Variants in RUSC2 observed in about 807,000 individuals in gnomAD.
RUSC2 encodes the protein AP-4 complex accessory subunit RUSC2.
A neutral mutation model predicts 122.2 loss-of-function variants in RUSC2; 34 were observed. The observed-to-expected ratio is 0.28, with a 90% CI of 0.21 to 0.37. RUSC2 has a LOEUF of 0.37. RUSC2 is among the 10% of genes least tolerant of loss of function. The probability of loss-of-function intolerance (pLI) is 1.00; values close to 1 mark genes in which losing one functional copy is unlikely to be tolerated. For missense variants in RUSC2, 1,747 were observed against 1,952.4 expected, an observed-to-expected ratio of 0.89 and a Z score of 1.98; for synonymous variants, 784 against 790.0, an observed-to-expected ratio of 0.99 and a Z score of 0.13.
intron 1 of RUSC2, among the ~76,000 whole-genome samples, chr9:35,536,585 G>C (rs974038188): frequency 8.5e-5 from 13 of 152,126 alleles, no homozygotes; most frequent in Non-Finnish European, 1.5e-4. Flanking sequence ...GGCTGAGGCG[G>C]GTGGATCACC....
intron 1 of RUSC2, among the ~76,000 whole-genome samples, chr9:35,495,465 A>T (rs868379225): frequency 1.3e-5 from 2 of 151,208 alleles, no homozygotes; most frequent in Admixed American, 6.6e-5. Context: ...CCTTGTCAAA[A>T]CTCATCTGAC....
chr9:35,550,135 C>T (rs1490457032), intron 2 of RUSC2, among the ~76,000 whole-genome samples: 1 of 151,026 alleles, frequency 6.6e-6, no homozygotes, highest in Non-Finnish European at 1.5e-5. Context: ...TCACTTGAAT[C>T]TGGGATGGAG....
intron 1 of RUSC2, among the ~76,000 whole-genome samples, chr9:35,515,425 C>T (rs1360254321): frequency 6.6e-6 from 1 of 151,310 alleles, no homozygotes; most frequent in African/African-American, 2.4e-5. Flanking sequence ...TTTTCAAGCC[C>T]ACAGCTAACA....
chr9:35,496,755 C>A (rs998322338), intron 1 of RUSC2, among the ~76,000 whole-genome samples: 2 of 152,148 alleles, frequency 1.3e-5, no homozygotes, highest in Non-Finnish European at 2.9e-5. Flanking sequence ...TGTCGCCCTG[C>A]ACCTGATTAA....
chr9:35,513,920 A>ATATATG (rs1439832791), intron 1 of RUSC2, among the ~76,000 whole-genome samples: 2 of 143,744 alleles, frequency 1.4e-5, no homozygotes, highest in East Asian at 4.0e-4. Flanking sequence ...ATATATATAT[A>ATATATG]TATATATATA....
intron 1 of RUSC2, among the ~76,000 whole-genome samples, chr9:35,518,854 A>T (rs1821157950): frequency 6.6e-6 from 1 of 152,326 alleles, no homozygotes; most frequent in African/African-American, 2.4e-5. Context: ...TCTGGGACTT[A>T]TGACTGATAA....
In RUSC2 at chr9:35,547,921, C is replaced by G. The variant is rs762176785; in HGVS notation, c.1400C>G (p.Ala467Gly). The change falls in exon 2 of 12, where the codon GCA becomes GGA. Residue 467 changes from alanine to glycine, a missense_variant. Ala to Gly is a moderately conservative substitution (Grantham distance 60). Transcript: ENST00000361226. The surrounding 1 kb of genome is among the most constrained non-coding windows in gnomAD (Gnocchi z 4.6). ...GAAGCAGTGAGTTCCTCCACCCAAG[C>G]AGCAGCTGCTGTGGGCCCCACTGTG... Reference protein sequence around the residue: ...EQEAVSSSTQAAAAVGPTVLE... With the variant: ...EQEAVSSSTQGAAAVGPTVLE... The G allele has an allele frequency of 1.9e-6, 3 of 1,614,254 alleles. No individual in the cohort carries two copies. Among genetic ancestry groups the G allele is most frequent in the Admixed American group, 3.3e-5 (2 of 60,034 alleles).
intron 1 of RUSC2, chr9:35,507,576 C>CT (rs1169616941): frequency 4.5e-6 from 1 of 220,226 alleles, no homozygotes; most frequent in Admixed American, 4.2e-5. Context: ...GGTGAATGTT[C>CT]CCCAAACCCA....
At chr9:35,545,832 C>T (rs1223534621) in intron 1 of RUSC2, among the ~76,000 whole-genome samples, 1 of 152,050 alleles carries the variant, frequency 6.6e-6, no homozygotes, top group African/African-American at 2.4e-5. Flanking sequence ...GATACTTAGC[C>T]CACGGTCATC....
intron 1 of RUSC2, among the ~76,000 whole-genome samples, chr9:35,520,751 G>A (rs561299214): frequency 2.6e-5 from 4 of 152,150 alleles, no homozygotes; most frequent in African/African-American, 9.6e-5. Flanking sequence ...ACACTTGAGG[G>A]CCATCCTCCA....
intron 9 of RUSC2, among the ~76,000 whole-genome samples, 184 bp downstream of exon 9, chr9:35,559,456 C>T (rs1264476571): frequency 6.6e-6 from 1 of 152,184 alleles, no homozygotes; most frequent in African/African-American, 2.4e-5. Flanking sequence ...AACCTTGGGC[C>T]AGGCATGGTG....
Position 35,555,186 on chromosome 9 carries a change from A to T in RUSC2, c.2141A>T (p.His714Leu), listed in dbSNP as rs201317063. ...PKQLAKARAL[H>L]SLSQLYSLSG... ...CAGCTGGCCAAGGCCCGGGCCCTCC[A>T]CAGCCTTTCCCAGCTCTACAGCCTC... The change falls in exon 3 of 12, where the codon CAC (histidine) becomes CTC (leucine). Residue 714 changes from histidine (H) to leucine (L), a missense_variant. By Grantham distance (99) the His-to-Leu change is moderately conservative. Coordinates refer to ENST00000361226, the MANE Select transcript of RUSC2 (RefSeq NM_014806.5). The surrounding 1 kb of genome is among the most constrained non-coding windows in gnomAD (Gnocchi z 4.6). 1 of 1,613,382 alleles carries T rather than the reference A, an allele frequency of 6.2e-7. No individual in the cohort carries two copies.
In RUSC2 at chr9:35,555,175, C is replaced by G. The variant is rs1821982816; in HGVS notation, c.2130C>G (p.Ala710=). 1.2e-6 allele frequency: 2 copies of G among 1,613,782 alleles called. No individual in the cohort carries two copies. Among genetic ancestry groups the G allele is most frequent in the Non-Finnish European group, 8.5e-7 (1 of 1,180,032 alleles). ...QHHFPKQLAK[A]RALHSLSQLY... is the part of the protein sequence containing the mutation. Reference sequence around the variant, plus strand: ...ACTTCCCCAAGCAGCTGGCCAAGGCCCGGGCCCTCCACAGCCTTTCCCAGC... The same window carrying G: ...ACTTCCCCAAGCAGCTGGCCAAGGCGCGGGCCCTCCACAGCCTTTCCCAGC... The change falls in exon 3 of 12, where the codon GCC becomes GCG. Residue 710 remains alanine (A), a synonymous_variant. Coordinates refer to ENST00000361226, the MANE Select transcript of RUSC2 (RefSeq NM_014806.5). This position sits in a 1 kb window ranked among gnomAD's most constrained non-coding sequence, Gnocchi z 4.6.
intron 1 of RUSC2, among the ~76,000 whole-genome samples, chr9:35,534,827 TGTAA>T (rs1342097170): frequency 5.3e-5 from 8 of 152,150 alleles, no homozygotes; most frequent in Admixed American, 2.0e-4. Context: ...ATTACTGAGT[TGTAA>T]GTGTTTTTAA....
At position 35,558,263 on chromosome 9, in the gene RUSC2, G is replaced by A. The variant is rs775126489; in HGVS notation, c.3127G>A (p.Ala1043Thr). 1.9e-6 allele frequency: 3 copies of A among 1,614,012 alleles called. No homozygotes were observed. The highest frequency in any genetic ancestry group is 2.5e-6 in the Non-Finnish European group (3 of 1,180,040). Residue 1043 changes from alanine (A) to threonine (T), a missense_variant, in exon 7 of 12, where the codon GCC becomes ACC. Coordinates refer to ENST00000361226, the MANE Select transcript of RUSC2 (RefSeq NM_014806.5). The surrounding 1 kb of genome is among the most constrained non-coding windows in gnomAD (Gnocchi z 4.3). ...GHLVLKYLCP[A>T]VRAVLEDGLK... is the part of the protein sequence containing the mutation. Reference sequence around the variant, plus strand: ...CCTGGTTCTGAAGTACTTGTGCCCTGCCGTCCGCGCCGTGCTGGAGGATGG... The same window carrying A: ...CCTGGTTCTGAAGTACTTGTGCCCTACCGTCCGCGCCGTGCTGGAGGATGG...
intron 1 of RUSC2, among the ~76,000 whole-genome samples, chr9:35,520,468 T>G (rs1821193223): frequency 6.6e-6 from 1 of 152,178 alleles, no homozygotes; most frequent in Admixed American, 6.5e-5. Flanking sequence ...TCAATCTAGA[T>G]TCTTCTCATA....
intron 1 of RUSC2, among the ~76,000 whole-genome samples, chr9:35,506,223 CTG>C (rs1230138705): frequency 2.0e-5 from 3 of 152,186 alleles, no homozygotes; most frequent in African/African-American, 4.8e-5. Flanking sequence ...AGTTGCATAA[CTG>C]TGAACACACT....
intron 1 of RUSC2, among the ~76,000 whole-genome samples, chr9:35,501,469 C>T (rs1820815908): frequency 6.6e-6 from 1 of 152,156 alleles, no homozygotes; most frequent in African/African-American, 2.4e-5. Flanking sequence ...TCCAGCTGCT[C>T]CCGAGGCTGA....
At chr9:35,554,923 C>A in intron 2 of RUSC2, 137 bp from the exon 3 acceptor site, 1 of 919,432 alleles carries the variant, frequency 1.1e-6, no homozygotes, top group Non-Finnish European at 1.7e-6. Context: ...GTGTCCCATT[C>A]CACGAACTTC....
Sources: allele counts gnomAD v4.1 joint callset (sites outside exome capture counted in the v4.1 genomes callset), GRCh38; gene constraint gnomAD v4.1.1; non-coding constraint Gnocchi (gnomAD v3.1); transcripts MANE v1.5; gene names NCBI Gene and HGNC (gene_info 2026-07-23, HGNC 2026-07-21).